Variants in ADGRL2 observed in about 807,000 individuals in gnomAD.
ADGRL2 encodes adhesion G protein-coupled receptor L2, also known as calcium-independent alpha-latrotoxin receptor 2.
In ADGRL2, 44 loss-of-function variants were observed where a neutral mutation model predicts 157.4. That is an observed-to-expected ratio of 0.28 (90% CI 0.22 to 0.36). The LOEUF (loss-of-function observed/expected upper bound fraction) is 0.36, where lower values mean the gene tolerates loss of function less well. ADGRL2 is among the 10% of genes least tolerant of loss of function. The pLI, the probability that ADGRL2 is intolerant of heterozygous loss-of-function variation, is 1.00. For missense variants in ADGRL2, 1,510 were observed against 1,768.9 expected, an observed-to-expected ratio of 0.85 and a Z score of 2.63; for synonymous variants, 585 against 624.7, an observed-to-expected ratio of 0.94 and a Z score of 0.95.
intron 1 of ADGRL2, among the ~76,000 whole-genome samples, chr1:81,405,427 G>A (rs1201795090): frequency 1.3e-5 from 2 of 151,940 alleles, no homozygotes; most frequent in Admixed American, 6.6e-5. Context: ...CAATACTTTG[G>A]GAGACAAAGG....
intron 2 of ADGRL2, among the ~76,000 whole-genome samples, chr1:81,877,986 T>A (rs969604242): frequency 1.3e-5 from 2 of 152,192 alleles, no homozygotes; most frequent in Non-Finnish European, 2.9e-5. Flanking sequence ...TGGCAATGTT[T>A]ATTATAAAAA....
intron 3 of ADGRL2, among the ~76,000 whole-genome samples, chr1:81,671,079 G>A (rs993738833): frequency 2.6e-5 from 4 of 152,126 alleles, no homozygotes; most frequent in Admixed American, 2.0e-4. Context: ...GCAAACGGAG[G>A]CCCCAGTTCA....
At chr1:81,918,909 C>T (rs577847777) in intron 3 of ADGRL2, among the ~76,000 whole-genome samples, 25 of 152,072 alleles carry the variant, frequency 1.6e-4, no homozygotes, top group Non-Finnish European at 3.1e-4. Flanking sequence ...AATAACCATT[C>T]ACTTTGGTAT....
intron 10 of ADGRL2, 148 bp downstream of exon 10, chr1:81,953,173 G>T: frequency 1.8e-6 from 1 of 565,134 alleles, no homozygotes; most frequent in Non-Finnish European, 3.1e-6. Context: ...GCTTTTCACA[G>T]GTATATTACT....
At chr1:81,428,795 A>G (rs1391329353) in intron 1 of ADGRL2, among the ~76,000 whole-genome samples, 1 of 152,024 alleles carries the variant, frequency 6.6e-6, no homozygotes, top group Non-Finnish European at 1.5e-5. Context: ...TTCTGGAGAA[A>G]CTTCGCTTGG....
At chr1:81,408,557 G>T (rs1027656885) in intron 1 of ADGRL2, among the ~76,000 whole-genome samples, 1 of 152,154 alleles carries the variant, frequency 6.6e-6, no homozygotes, top group Non-Finnish European at 1.5e-5. Context: ...TGCTGTTCGC[G>T]TGCCTAGACT....
chr1:81,886,993 C>T (rs879327681), intron 2 of ADGRL2, among the ~76,000 whole-genome samples: 5 of 152,028 alleles, frequency 3.3e-5, no homozygotes, highest in Admixed American at 6.6e-5. Context: ...CACTTAGGCC[C>T]GATATCTAGA....
At chr1:81,393,857 AGAAT>A (rs920795561) in intron 1 of ADGRL2, among the ~76,000 whole-genome samples, 3 of 148,850 alleles carry the variant, frequency 2.0e-5, no homozygotes, top group African/African-American at 7.4e-5. Flanking sequence ...TTTTTCTCCC[AGAAT>A]GAGAGTAATT....
intron 2 of ADGRL2, among the ~76,000 whole-genome samples, chr1:81,460,850 C>A (rs2077911637): frequency 6.6e-6 from 1 of 152,196 alleles, no homozygotes; most frequent in Non-Finnish European, 1.5e-5. Flanking sequence ...GTCTTCCTTG[C>A]AAAATTGCTG....
intron 1 of ADGRL2, among the ~76,000 whole-genome samples, chr1:81,371,399 T>A (rs2076158106): frequency 6.6e-6 from 1 of 152,068 alleles, no homozygotes; most frequent in African/African-American, 2.4e-5. Flanking sequence ...AAGAAAAGTA[T>A]CAATAAAAAA....
chr1:81,552,447 G>GA (rs2080169656), intron 2 of ADGRL2, among the ~76,000 whole-genome samples: 1 of 151,980 alleles, frequency 6.6e-6, no homozygotes, highest in African/African-American at 2.4e-5. Context: ...GCTTTTCAGG[G>GA]AAAGCTGCAG....
chr1:81,339,171 A>T (rs527525507), intron 1 of ADGRL2, among the ~76,000 whole-genome samples: 1 of 152,262 alleles, frequency 6.6e-6, no homozygotes, highest in Admixed American at 6.5e-5. Context: ...CTTCCCATGG[A>T]TTATTTTGTT....
intron 2 of ADGRL2, among the ~76,000 whole-genome samples, chr1:81,543,336 C>T (rs2079934869): frequency 6.6e-6 from 1 of 151,862 alleles, no homozygotes; most frequent in Non-Finnish European, 1.5e-5. Flanking sequence ...CCCCTTCCAT[C>T]ATGTGAGGAC....
intron 3 of ADGRL2, among the ~76,000 whole-genome samples, chr1:81,927,616 A>G (rs1283956751): frequency 1.3e-5 from 2 of 152,020 alleles, no homozygotes; most frequent in Admixed American, 6.6e-5. Flanking sequence ...ACAGTGTTCT[A>G]TAATGCAAAT....
intron 1 of ADGRL2, among the ~76,000 whole-genome samples, chr1:81,363,702 T>A (rs1027688956): frequency 6.6e-6 from 1 of 152,114 alleles, no homozygotes; most frequent in Admixed American, 6.6e-5. Flanking sequence ...CATAAAAGAT[T>A]GTGTTTTGTT....
chr1:81,657,416 G>T (rs2082558652), intron 3 of ADGRL2, among the ~76,000 whole-genome samples: 1 of 152,186 alleles, frequency 6.6e-6, no homozygotes. Context: ...AGAACAGTGA[G>T]AAATGAATTT....
At chr1:81,929,582 A>G (rs1236000155) in intron 3 of ADGRL2, among the ~76,000 whole-genome samples, 4 of 152,214 alleles carry the variant, frequency 2.6e-5, no homozygotes, top group Non-Finnish European at 5.9e-5. Context: ...GTAAAGTGTA[A>G]TAATGAGCAT....
intron 2 of ADGRL2, among the ~76,000 whole-genome samples, chr1:81,871,246 C>T (rs2151011122): frequency 6.6e-6 from 1 of 152,100 alleles, no homozygotes; most frequent in Non-Finnish European, 1.5e-5. Flanking sequence ...CGTCCATGTC[C>T]CTACAAAGGA....
intron 1 of ADGRL2, among the ~76,000 whole-genome samples, chr1:81,406,323 C>T (rs756532445): frequency 6.6e-6 from 1 of 152,138 alleles, no homozygotes; most frequent in Admixed American, 6.5e-5. Context: ...ATCTTAGTTT[C>T]GTTTGATCCT....
Sources: allele counts gnomAD v4.1 joint callset (sites outside exome capture counted in the v4.1 genomes callset), GRCh38; gene constraint gnomAD v4.1.1; transcripts MANE v1.5; gene names NCBI Gene and HGNC (gene_info 2026-07-23, HGNC 2026-07-21).